The following GPHN variants were observed in gnomAD, a reference collection of about 807,000 sequenced individuals.
The protein encoded by GPHN is gephyrin.
A neutral mutation model predicts 95.5 loss-of-function variants in GPHN; 17 were observed. That is an observed-to-expected ratio of 0.18 (90% CI 0.12 to 0.27). GPHN has a LOEUF of 0.27. Among genes scored for constraint, GPHN ranks in the 10% least tolerant of loss-of-function variants. The pLI, the probability that GPHN is intolerant of heterozygous loss-of-function variation, is 1.00. For synonymous variants in GPHN, 320 were observed against 322.5 expected (o/e 0.99, Z 0.08); for missense variants, 660 against 978.1 (o/e 0.67, Z 4.34).
intron 1 of GPHN, among the ~76,000 whole-genome samples, chr14:66,554,242 T>C (rs937058718): frequency 5.3e-5 from 8 of 152,090 alleles, no homozygotes; most frequent in African/African-American, 1.9e-4. Flanking sequence ...TAAGGTTAGG[T>C]TCTATAGAAC....
At chr14:66,542,245 G>A (rs930002650) in intron 1 of GPHN, among the ~76,000 whole-genome samples, 1 of 152,164 alleles carries the variant, frequency 6.6e-6, no homozygotes, top group Non-Finnish European at 1.5e-5. Context: ...CAAATATCAA[G>A]TATCAAGTGA....
chr14:67,231,122 G>A, the GPHN span, among the ~76,000 whole-genome samples: 1 of 152,118 alleles, frequency 6.6e-6, no homozygotes, highest in African/African-American at 2.4e-5. Flanking sequence ...AGGGGTGGGT[G>A]GACTACTGTA....
At chr14:67,524,710 C>A in the GPHN span, among the ~76,000 whole-genome samples, 1 of 152,150 alleles carries the variant, frequency 6.6e-6, no homozygotes, top group Non-Finnish European at 1.5e-5. Context: ...CTTGGACAAC[C>A]GCCAAACCAC....
At chr14:67,385,071 G>A in the GPHN span, 17 of 152,114 alleles carry the variant, frequency 1.1e-4, no homozygotes, top group Non-Finnish European at 1.8e-4. Flanking sequence ...TTTATCCCAC[G>A]TGGGCCTTTT....
intron 1 of GPHN, among the ~76,000 whole-genome samples, chr14:66,677,099 G>A (rs2066646959): frequency 6.6e-6 from 1 of 151,724 alleles, no homozygotes; most frequent in Non-Finnish European, 1.5e-5. Flanking sequence ...AATTTCTAGT[G>A]GTCCTTTGTA....
intron 9 of GPHN, among the ~76,000 whole-genome samples, chr14:66,976,900 C>A (rs1314584025): frequency 8.1e-6 from 1 of 123,808 alleles, no homozygotes; most frequent in Non-Finnish European, 1.6e-5. Flanking sequence ...TAAATACATG[C>A]AGCACAGAAA....
At chr14:67,370,882 A>T in the GPHN span, among the ~76,000 whole-genome samples, 643 of 152,030 alleles carry the variant, frequency 4.2e-3, 1 homozygote, top group Non-Finnish European at 7.4e-3. Flanking sequence ...AAAATTACCC[A>T]GGCATGGTGT....
the GPHN span, among the ~76,000 whole-genome samples, chr14:67,635,977 AG>A: frequency 2.0e-5 from 3 of 152,194 alleles, no homozygotes; most frequent in African/African-American, 7.2e-5. Flanking sequence ...GCACCAAGTG[AG>A]GATGCAGAGT....
intron 1 of GPHN, among the ~76,000 whole-genome samples, chr14:66,595,854 C>G (rs577352234): frequency 1.3e-5 from 2 of 152,206 alleles, no homozygotes; most frequent in Admixed American, 1.3e-4. Context: ...TGTTACTGCT[C>G]TTTCAGTCGT....
chr14:66,673,983 T>G (rs1444032910), intron 1 of GPHN, among the ~76,000 whole-genome samples: 2 of 152,190 alleles, frequency 1.3e-5, no homozygotes, highest in African/African-American at 4.8e-5. Context: ...TAACAATTCT[T>G]TTTACTGTGA....
chr14:66,952,072 AGT>A (rs781150144), intron 8 of GPHN, among the ~76,000 whole-genome samples: 32 of 152,322 alleles, frequency 2.1e-4, no homozygotes, highest in Middle Eastern at 3.4e-3. Context: ...ATCATTTTAA[AGT>A]GTGTGATTCA....
chr14:66,742,784 C>T (rs141368670), intron 2 of GPHN, among the ~76,000 whole-genome samples: 117 of 152,140 alleles, frequency 7.7e-4, no homozygotes, highest in African/African-American at 2.6e-3. Context: ...GTTTTTGAGA[C>T]GGAGTCTCGC....
At chr14:67,545,381 A>G in the GPHN span, among the ~76,000 whole-genome samples, 2 of 152,216 alleles carry the variant, frequency 1.3e-5, no homozygotes, top group Non-Finnish European at 2.9e-5. Flanking sequence ...AAAGAAAGAG[A>G]GGATAGATAA....
At chr14:67,542,185 T>G in the GPHN span, among the ~76,000 whole-genome samples, 1 of 152,200 alleles carries the variant, frequency 6.6e-6, no homozygotes, top group Admixed American at 6.5e-5. Context: ...GCTTGCGTCT[T>G]TGCTCGCTCA....
At chr14:66,764,462 C>T (rs548178259) in intron 2 of GPHN, among the ~76,000 whole-genome samples, 2 of 151,614 alleles carry the variant, frequency 1.3e-5, no homozygotes, top group Admixed American at 6.6e-5. Context: ...AATCATTTTA[C>T]GGATCAGGAA....
chr14:66,581,513 A>G (rs1396309827), intron 1 of GPHN, among the ~76,000 whole-genome samples: 1 of 152,000 alleles, frequency 6.6e-6, no homozygotes, highest in Non-Finnish European at 1.5e-5. Flanking sequence ...ACCGGAAAAC[A>G]ATGAACAATA....
intron 8 of GPHN, among the ~76,000 whole-genome samples, chr14:66,934,647 T>C (rs944386671): frequency 6.6e-6 from 1 of 152,220 alleles, no homozygotes; most frequent in Non-Finnish European, 1.5e-5. Flanking sequence ...TGAGGAAATA[T>C]ACAACCCCAA....
At chr14:67,008,684 A>C (rs1380814034) in intron 9 of GPHN, among the ~76,000 whole-genome samples, 1 of 151,860 alleles carries the variant, frequency 6.6e-6, no homozygotes, top group African/African-American at 2.4e-5. Flanking sequence ...AGCTGGGACT[A>C]CAAGTGCATG....
At chr14:66,530,764 T>C (rs2058891656) in intron 1 of GPHN, among the ~76,000 whole-genome samples, 1 of 152,020 alleles carries the variant, frequency 6.6e-6, no homozygotes, top group Non-Finnish European at 1.5e-5. Context: ...CCACCCTGCT[T>C]CTGCTCGCCC....
Sources: allele counts gnomAD v4.1 joint callset (sites outside exome capture counted in the v4.1 genomes callset), GRCh38; gene constraint gnomAD v4.1.1; transcripts MANE v1.5; gene names NCBI Gene and HGNC (gene_info 2026-07-23, HGNC 2026-07-21).